Variants in NLGN4X observed in about 807,000 individuals in gnomAD.
The protein encoded by NLGN4X is neuroligin 4 X-linked.
NLGN4X carries 3 observed loss-of-function variants against 40.3 expected under a neutral mutation model. That is an observed-to-expected ratio of 0.07 (90% CI 0.03 to 0.19). NLGN4X has a LOEUF of 0.19. NLGN4X is among the 10% of genes least tolerant of loss of function. The probability of loss-of-function intolerance (pLI) is 1.00; values close to 1 mark genes in which losing one functional copy is unlikely to be tolerated. For missense variants in NLGN4X, 382 were observed against 708.3 expected, an observed-to-expected ratio of 0.54 and a Z score of 5.23; for synonymous variants, 270 against 306.8, an observed-to-expected ratio of 0.88 and a Z score of 1.25.
In NLGN4X at chrX:6,045,080, T is replaced by C. The variant is rs567074455; in HGVS notation, c.473-15648A>G. Among the ~76,000 whole-genome samples, 148 of 112,311 alleles carry C rather than the reference T, an allele frequency of 1.3e-3. No individual in the cohort carries two copies. In the South Asian group the frequency reaches 0.014, roughly 11 times the overall value. On this transcript the variant is annotated intron_variant, in intron 2 of 5. Transcript: ENST00000381095. ...TCATAAGGAAAAATACAGAAACAGA[T>C]GTACCTTAGATCTGAGTAAAGGGAC...
At chrX:6,028,457 G>A (rs766509616) in intron 3 of NLGN4X, among the ~76,000 whole-genome samples, 44 of 110,008 alleles carry the variant, frequency 4.0e-4, no homozygotes, top group African/African-American at 1.4e-3. Context: ...TCAGGAGTTC[G>A]AGACCAGCCT....
chrX:6,043,423 T>C (rs1402487282), intron 2 of NLGN4X, among the ~76,000 whole-genome samples: 1 of 111,526 alleles, frequency 9.0e-6, no homozygotes, highest in Non-Finnish European at 1.9e-5. Flanking sequence ...ATATTATACA[T>C]ACATATATTT....
intron 2 of NLGN4X, among the ~76,000 whole-genome samples, chrX:6,121,209 C>A (rs146705403): frequency 5.7e-4 from 63 of 110,272 alleles, no homozygotes; most frequent in African/African-American, 2.0e-3. Context: ...CAGAAGAAAT[C>A]TTATGGTACA....
rs533023008 is a variant in NLGN4X, at chrX:5,964,583, C to T, written c.626-55344G>A. Among the ~76,000 whole-genome samples, 10 of 111,911 alleles carry T rather than the reference C, an allele frequency of 8.9e-5. No individual in the cohort carries two copies. In the South Asian group the frequency reaches 1.9e-3, roughly 21 times the overall value. ...CTGCAGTGGCATGATCATAGCTCAG[C>T]GTATCTTTGAACTCCTGGACTCCAG... is the stretch of plus-strand genomic sequence containing the variant. On this transcript the variant is annotated intron_variant, in intron 3 of 5. Transcript: ENST00000381095.
intron 3 of NLGN4X, among the ~76,000 whole-genome samples, chrX:6,001,289 T>C (rs1374767243): frequency 8.9e-6 from 1 of 111,815 alleles, no homozygotes; most frequent in African/African-American, 3.3e-5. Flanking sequence ...AGTTTAGACA[T>C]ACAAAAGTGA....
At chrX:5,921,391 C>CAGAGAGAGAGAGAGAGAGAGAGAGAGAG (rs56879029) in intron 3 of NLGN4X, among the ~76,000 whole-genome samples, 17 of 53,082 alleles carry the variant, frequency 3.2e-4, no homozygotes, top group African/African-American at 4.1e-4. Flanking sequence ...GAAAATGAAC[C>CAGAGAGAGAGAGAGAGAGAGAGAGAGAG]AGAGAGAGAG....
At chrX:5,909,699 G>T (rs1368040850) in intron 3 of NLGN4X, among the ~76,000 whole-genome samples, 1 of 106,786 alleles carries the variant, frequency 9.4e-6, no homozygotes, top group Non-Finnish European at 1.9e-5. Context: ...AAGAATATGT[G>T]CATGTATACA....
At chrX:6,104,638 C>A (rs990294205) in intron 2 of NLGN4X, among the ~76,000 whole-genome samples, 3 of 111,207 alleles carry the variant, frequency 2.7e-5, no homozygotes, top group African/African-American at 9.8e-5. Context: ...AGTACCTCAT[C>A]TTCCCCTCAG....
At chrX:6,146,597 A>G (rs2040050318) in intron 2 of NLGN4X, among the ~76,000 whole-genome samples, 1 of 110,775 alleles carries the variant, frequency 9.0e-6, no homozygotes, top group Non-Finnish European at 1.9e-5. Flanking sequence ...TAGTATTCAA[A>G]GAGTCAGGTG....
At chrX:5,941,306 A>G (rs1341287207) in intron 3 of NLGN4X, among the ~76,000 whole-genome samples, 1 of 109,067 alleles carries the variant, frequency 9.2e-6, no homozygotes, top group Non-Finnish European at 1.9e-5. Context: ...GAGTGGCCTA[A>G]GCAAGAATTT....
Position 6,020,892 on chromosome X carries a change from GC to G in NLGN4X, c.625+8387del, listed in dbSNP as rs1329472771. Among the ~76,000 whole-genome samples the G allele has an allele frequency of 1.0e-3, 110 of 110,388 alleles. 1 individual carries two copies. Among genetic ancestry groups the G allele is most frequent in the African/African-American group, 3.5e-3 (106 of 30,360 alleles). ...TGGAGTGCAATCACAGCACACTGCA[GC>G]CTCGAACTCCTAGGCTCAAGCAATC... On this transcript the variant is annotated intron_variant, in intron 3 of 5. Coordinates refer to ENST00000381095, the MANE Select transcript of NLGN4X (RefSeq NM_181332.3).
intron 1 of NLGN4X, among the ~76,000 whole-genome samples, chrX:6,219,543 CTTTTCTTTCTTTCTTTCT>C (rs1329748781): frequency 1.2e-5 from 1 of 82,164 alleles, no homozygotes; most frequent in African/African-American, 5.1e-5. Context: ...TTCCTTTTCT[CTTTTCTTTCTTTCTTTCT>C]TTCTTTCTTT....
At chrX:5,996,811 C>T (rs182205654) in intron 3 of NLGN4X, among the ~76,000 whole-genome samples, 38 of 110,458 alleles carry the variant, frequency 3.4e-4, no homozygotes, top group African/African-American at 1.2e-3. Flanking sequence ...GTTGGCCAGG[C>T]CACTTGTACT....
At position 6,067,113 on chromosome X, in the gene NLGN4X, C is replaced by A. The variant is rs775053932; in HGVS notation, c.473-37681G>T. On this transcript the variant is annotated intron_variant, in intron 2 of 5. Coordinates refer to ENST00000381095, the MANE Select transcript of NLGN4X (RefSeq NM_181332.3). ...AACAGAGTGAGATACAGTCCCCCCC[C>A]CAAAACAAAATTAAATAAAACATAT... Among the ~76,000 whole-genome samples, 10 of 109,284 alleles carry A rather than the reference C, an allele frequency of 9.2e-5. No individual in the cohort carries two copies. The South Asian group carries it at 1.2e-3, about 13-fold the overall frequency. The allele number at this position is 109,284 out of a possible 115,157, so 94.9% of individuals were successfully genotyped here.
At chrX:6,091,485 C>T (rs2038638881) in intron 2 of NLGN4X, among the ~76,000 whole-genome samples, 1 of 111,612 alleles carries the variant, frequency 9.0e-6, no homozygotes, top group African/African-American at 3.3e-5. Context: ...GCAATGCCTA[C>T]TTTCTAAAAG....
chrX:6,129,180 A>T (rs1197249893), intron 2 of NLGN4X, among the ~76,000 whole-genome samples: 1 of 112,449 alleles, frequency 8.9e-6, no homozygotes, highest in African/African-American at 3.2e-5. Flanking sequence ...AGAAAAAAGA[A>T]ACAACAGGTC....
chrX:6,166,367 G>A (rs1374993998), intron 1 of NLGN4X, among the ~76,000 whole-genome samples: 1 of 111,701 alleles, frequency 9.0e-6, no homozygotes. Flanking sequence ...AAATGCTGGT[G>A]TTTACAGGCA....
intron 3 of NLGN4X, among the ~76,000 whole-genome samples, chrX:5,984,149 A>G (rs771713658): frequency 1.4e-3 from 156 of 111,783 alleles, no homozygotes; most frequent in Non-Finnish European, 2.6e-3. Context: ...AACTAGGAAG[A>G]ATGCATTCCA....
intron 3 of NLGN4X, among the ~76,000 whole-genome samples, chrX:5,966,542 C>A (rs758695012): frequency 8.9e-6 from 1 of 112,398 alleles, no homozygotes. Flanking sequence ...GTAAACTGAA[C>A]AATGAAAAGT....
Sources: gnomAD v4.1 joint callset for allele counts (sites outside exome capture counted in the v4.1 genomes callset) on GRCh38, gnomAD v4.1.1 for gene constraint, MANE v1.5 for transcripts, NCBI Gene and HGNC (gene_info 2026-07-23, HGNC 2026-07-21) for gene names.